Variants in AAK1 observed in about 807,000 individuals in gnomAD.
The protein encoded by AAK1 is AP2-associated protein kinase 1.
AAK1 carries 37 observed loss-of-function variants against 116.0 expected under a neutral mutation model. The observed-to-expected ratio is 0.32, with a 90% confidence interval of 0.25 to 0.42. AAK1 has a LOEUF of 0.42. Ranked by LOEUF, AAK1 falls within the 10% of genes least tolerant of loss-of-function variation. The pLI, the probability that AAK1 is intolerant of heterozygous loss-of-function variation, is 1.00. For missense variants in AAK1, 919 were observed against 1,170.6 expected, an observed-to-expected ratio of 0.79 and a Z score of 3.14; for synonymous variants, 458 against 439.9, an observed-to-expected ratio of 1.04 and a Z score of -0.51.
intron 17 of AAK1, among the ~76,000 whole-genome samples, chr2:69,495,680 G>A (rs1360709371): frequency 2.0e-5 from 3 of 152,220 alleles, no homozygotes; most frequent in East Asian, 3.9e-4. Context: ...TTGGACTAAT[G>A]TTCTTTCCAA....
chr2:69,543,643 T>C (rs759395584), intron 4 of AAK1, among the ~76,000 whole-genome samples: 1 of 152,186 alleles, frequency 6.6e-6, no homozygotes, highest in Non-Finnish European at 1.5e-5. Flanking sequence ...CTTGACCTCA[T>C]GATCCACCCG....
chr2:69,590,569 A>T (rs1672985726), intron 2 of AAK1, among the ~76,000 whole-genome samples: 1 of 152,244 alleles, frequency 6.6e-6, no homozygotes, highest in Non-Finnish European at 1.5e-5. Flanking sequence ...TAGCAGGCTT[A>T]GATGTCTCAA....
chr2:69,533,329 T>C (rs766946895), intron 5 of AAK1, among the ~76,000 whole-genome samples: 12 of 152,170 alleles, frequency 7.9e-5, no homozygotes, highest in Non-Finnish European at 1.8e-4. Flanking sequence ...TGTGTATGTG[T>C]GTGCAAACCT....
At chr2:69,498,705 T>C (rs892101853) in intron 16 of AAK1, among the ~76,000 whole-genome samples, 3 of 152,248 alleles carry the variant, frequency 2.0e-5, no homozygotes, top group African/African-American at 7.2e-5. Flanking sequence ...GATTGCTGGA[T>C]GGACCGGCGA....
intron 1 of AAK1, 148 bp from the exon 2 acceptor site, chr2:69,643,422 A>G (rs1347203802): frequency 1.3e-5 from 15 of 1,173,488 alleles, no homozygotes; most frequent in Non-Finnish European, 4.3e-6. Flanking sequence ...TGAAAACGCG[A>G]CCCCGGCCCC....
At chr2:69,480,271 A>G (rs1675035401) in intron 19 of AAK1, among the ~76,000 whole-genome samples, 1 of 152,012 alleles carries the variant, frequency 6.6e-6, no homozygotes, top group African/African-American at 2.4e-5. Flanking sequence ...AAAAAAAAAA[A>G]AAAAAGAAGA....
Position 69,466,297 on chromosome 2 carries a change from C to T in AAK1, c.*9572G>A, listed in dbSNP as rs1443067905. The T allele has an allele frequency of 7.8e-7, 1 of 1,289,662 alleles. No individual in the cohort carries two copies. Among genetic ancestry groups the T allele is most frequent in the African/African-American group, 1.5e-5 (1 of 65,836 alleles). 79.9% of individuals were successfully genotyped at this position (1,289,662 alleles called of 1,614,324 possible). A position where few individuals can be genotyped will look rare whatever the true frequency, so the allele number is the denominator to read the frequency against. ...CAGCTCTCATCTTCTTCTTCAGACT[C>T]CATAAGGAGAGGCCGAGACCCACTG... On this transcript the variant is annotated 3_prime_UTR_variant, in exon 22 of 22. Transcript: ENST00000409085.
chr2:69,501,966 A>G lies in AAK1; in HGVS notation c.2269+3603T>C, dbSNP rs957203795. ...AGCCTAGGCAACAGAGCGAGACACCATCTCACACAAACAAACAAACAGGAA... is the reference window on the plus strand; with the variant it reads ...AGCCTAGGCAACAGAGCGAGACACCGTCTCACACAAACAAACAAACAGGAA... On this transcript the variant is annotated intron_variant, in intron 16 of 21. Transcript: ENST00000409085. Among the ~76,000 whole-genome samples the G allele has an allele frequency of 4.6e-5, 7 of 152,082 alleles. 1 individual carries two copies. The South Asian group carries it at 1.2e-3, about 27-fold the overall frequency.
In AAK1 at chr2:69,480,780, C is replaced by T. The variant is rs1236698492; in HGVS notation, c.2569+80G>A. The T allele has an allele frequency of 1.4e-5, 18 of 1,248,194 alleles. 1 individual carries two copies. Among genetic ancestry groups the T allele is most frequent in the African/African-American group, 6.1e-5 (4 of 65,442 alleles). 77.3% of individuals were successfully genotyped at this position (1,248,194 alleles called of 1,614,324 possible). ...CTGGGCTTCAAAATAAGCCCAGGAA[C>T]GACTGAGCCAGGTGAAAAGACTGGC... On this transcript the variant is annotated intron_variant, in intron 19 of 21. Transcript: ENST00000409085.
At chr2:69,613,831 G>A (rs1674199138) in intron 2 of AAK1, among the ~76,000 whole-genome samples, 1 of 152,218 alleles carries the variant, frequency 6.6e-6, no homozygotes. Context: ...CCTGAGTGGT[G>A]TGAGCCACTG....
intron 16 of AAK1, 130 bp downstream of exon 16, chr2:69,505,439 C>T: frequency 4.6e-6 from 2 of 436,878 alleles, no homozygotes; most frequent in Admixed American, 4.4e-5. Context: ...CCATGAAAAA[C>T]ATATATATAT....
Position 69,474,702 on chromosome 2 carries a change from T to C in AAK1, c.*1167A>G, listed in dbSNP as rs1674788946. Reference sequence around the variant, plus strand: ...TATCTGAAAATAAACAACATGCTTATTCTAGAGACAGAGGACCTGCTGAAA... The same window carrying C: ...TATCTGAAAATAAACAACATGCTTACTCTAGAGACAGAGGACCTGCTGAAA... On this transcript the variant is annotated 3_prime_UTR_variant, in exon 22 of 22. Transcript: ENST00000409085. 2 of 985,718 alleles carry C rather than the reference T, an allele frequency of 2.0e-6. No homozygotes were observed. The highest frequency in any genetic ancestry group is 3.5e-5 in the African/African-American group (2 of 57,234). The allele number at this position is 985,718 out of a possible 1,614,324, so 61.1% of individuals were successfully genotyped here.
chr2:69,553,846 T>G (rs1009714299), intron 3 of AAK1, among the ~76,000 whole-genome samples: 2 of 149,704 alleles, frequency 1.3e-5, no homozygotes, highest in Admixed American at 6.7e-5. Flanking sequence ...GAGGCTGAGA[T>G]GGGAGGATCA....
intron 20 of AAK1, 106 bp downstream of exon 20, chr2:69,478,845 T>G (rs1260449384): frequency 1.1e-6 from 1 of 890,346 alleles, no homozygotes; most frequent in Admixed American, 2.2e-5. Context: ...GGAGGTAGTT[T>G]TAAAACTTCA....
rs1024512694 is a variant in AAK1 at position 69,609,972 on chromosome 2, C to T, written c.163+32906G>A. On this transcript the variant is annotated intron_variant, in intron 2 of 21. Transcript: ENST00000409085. ...GGCTGAGGCAAGAGAATGGCGTGAA[C>T]CCGGGAGGCGGAGCTTTGCAGTGAG... 2.1e-5 allele frequency among the ~76,000 whole-genome samples: 3 copies of T among 144,008 alleles called. No individual in the cohort carries two copies. In the South Asian group the frequency reaches 6.7e-4, roughly 32 times the overall value. 94.5% of individuals were successfully genotyped at this position (144,008 alleles called of 152,430 possible).
At chr2:69,499,216 C>T (rs1369180964) in intron 16 of AAK1, among the ~76,000 whole-genome samples, 1 of 152,192 alleles carries the variant, frequency 6.6e-6, no homozygotes, top group Non-Finnish European at 1.5e-5. Context: ...ACTAACCCCA[C>T]TGTTCTTTGG....
intron 11 of AAK1, 25 bp from the exon 12 acceptor site, chr2:69,519,265 A>G (rs769831963): frequency 3.8e-5 from 58 of 1,508,260 alleles, no homozygotes; most frequent in Non-Finnish European, 5.0e-5. Flanking sequence ...AAGTCCATGT[A>G]AGGGTTCCAA....
At chr2:69,574,680 A>G (rs1672229454) in intron 2 of AAK1, among the ~76,000 whole-genome samples, 2 of 152,130 alleles carry the variant, frequency 1.3e-5, no homozygotes, top group South Asian at 4.1e-4. Context: ...ATTGAACATT[A>G]AATGTACACG....
intron 13 of AAK1, among the ~76,000 whole-genome samples, chr2:69,511,514 T>C (rs1470334376): frequency 5.3e-5 from 8 of 152,218 alleles, no homozygotes; most frequent in Admixed American, 5.2e-4. Flanking sequence ...GGTCCAGAGT[T>C]GTGCCTGTAA....
Sources: gnomAD v4.1 joint callset for allele counts (sites outside exome capture counted in the v4.1 genomes callset) on GRCh38, gnomAD v4.1.1 for gene constraint, MANE v1.5 for transcripts, NCBI Gene and HGNC (gene_info 2026-07-23, HGNC 2026-07-21) for gene names.